Variants in PGCKA1 observed in about 807,000 individuals in gnomAD.
PGCKA1 encodes the protein PDCD10 and GCKIII kinases-associated protein 1.
At chr4:37,524,826 T>G in the PGCKA1 span, among the ~76,000 whole-genome samples, 1 of 152,088 alleles carries the variant, frequency 6.6e-6, no homozygotes, top group Admixed American at 6.5e-5. Flanking sequence ...TGAGGTGATG[T>G]TGAGAAAGGC....
the PGCKA1 span, among the ~76,000 whole-genome samples, chr4:37,571,780 G>A: frequency 6.6e-6 from 1 of 151,810 alleles, no homozygotes; most frequent in Non-Finnish European, 1.5e-5. Flanking sequence ...CTCGTGATCT[G>A]CCCGCCTCAG....
At chr4:37,575,120 A>G in the PGCKA1 span, among the ~76,000 whole-genome samples, 1 of 152,170 alleles carries the variant, frequency 6.6e-6, no homozygotes, top group Non-Finnish European at 1.5e-5. Flanking sequence ...ATACTCAGCA[A>G]TGGGATTGCT....
the PGCKA1 span, among the ~76,000 whole-genome samples, chr4:37,505,819 C>T: frequency 6.6e-6 from 1 of 152,204 alleles, no homozygotes; most frequent in African/African-American, 2.4e-5. Flanking sequence ...CAGAAGTATT[C>T]CCTCCTCCAC....
the PGCKA1 span, among the ~76,000 whole-genome samples, chr4:37,557,829 T>C: frequency 6.6e-6 from 1 of 152,222 alleles, no homozygotes; most frequent in African/African-American, 2.4e-5. Context: ...TGTCAGGAGC[T>C]GGGCTGCAAA....
At chr4:37,473,644 G>A in the PGCKA1 span, among the ~76,000 whole-genome samples, 2,391 of 152,216 alleles carry the variant, frequency 0.016, 135 homozygotes, top group Admixed American at 0.11. Context: ...GCTTTTGAGG[G>A]TTGTAGGGGA....
the PGCKA1 span, among the ~76,000 whole-genome samples, chr4:37,577,226 G>T: frequency 1.4e-4 from 22 of 151,924 alleles, no homozygotes; most frequent in African/African-American, 4.6e-4. Flanking sequence ...GTTTTTCTTT[G>T]CTGGGAGACT....
chr4:37,539,071 A>G, the PGCKA1 span, among the ~76,000 whole-genome samples: 877 of 152,258 alleles, frequency 5.8e-3, 13 homozygotes, highest in African/African-American at 0.02. Context: ...GTTCCAAGCT[A>G]AGGAATCTGG....
At chr4:37,488,721 A>G in the PGCKA1 span, among the ~76,000 whole-genome samples, 9,439 of 152,102 alleles carry the variant, frequency 0.062, 368 homozygotes, top group Middle Eastern at 0.088. Context: ...ATCCTGTTCC[A>G]TCACCTCTGG....
the PGCKA1 span, among the ~76,000 whole-genome samples, chr4:37,545,624 A>G: frequency 6.6e-6 from 1 of 151,976 alleles, no homozygotes; most frequent in Non-Finnish European, 1.5e-5. Context: ...TACCTCCTCT[A>G]TTGCTCTCCC....
At chr4:37,592,151 G>C in the PGCKA1 span, among the ~76,000 whole-genome samples, 1 of 149,730 alleles carries the variant, frequency 6.7e-6, no homozygotes, top group Non-Finnish European at 1.5e-5. Flanking sequence ...GGAGGTTGCA[G>C]TGAGCTGAGA....
At chr4:37,570,127 C>A in the PGCKA1 span, among the ~76,000 whole-genome samples, 1 of 130,912 alleles carries the variant, frequency 7.6e-6, no homozygotes, top group Non-Finnish European at 1.7e-5. Context: ...CTACAGGCGC[C>A]CGCCACCACG....
chr4:37,526,735 A>T, the PGCKA1 span, among the ~76,000 whole-genome samples: 1 of 152,250 alleles, frequency 6.6e-6, no homozygotes, highest in African/African-American at 2.4e-5. Flanking sequence ...TTCTGGTCTT[A>T]TAAGAGTATA....
chr4:37,541,165 G>A, the PGCKA1 span, among the ~76,000 whole-genome samples: 1 of 152,082 alleles, frequency 6.6e-6, no homozygotes, highest in Non-Finnish European at 1.5e-5. Context: ...ATTTGGCATG[G>A]TATTCACGGC....
chr4:37,575,345 T>C, the PGCKA1 span, among the ~76,000 whole-genome samples: 1 of 152,162 alleles, frequency 6.6e-6, no homozygotes, highest in African/African-American at 2.4e-5. Context: ...TCTCTGATGA[T>C]CATTGATGTT....
chr4:37,539,648 C>A, the PGCKA1 span, among the ~76,000 whole-genome samples: 1 of 152,086 alleles, frequency 6.6e-6, no homozygotes, highest in Non-Finnish European at 1.5e-5. Context: ...AGCAAGACTC[C>A]GTCTCAAAAT....
chr4:37,488,744 CCTT>C, the PGCKA1 span, among the ~76,000 whole-genome samples: 513 of 152,236 alleles, frequency 3.4e-3, 5 homozygotes, highest in African/African-American at 0.012. Flanking sequence ...TGCTGATAGA[CCTT>C]CTTCAAGTGA....
chr4:37,580,504 A>T, the PGCKA1 span, among the ~76,000 whole-genome samples: 4 of 152,292 alleles, frequency 2.6e-5, no homozygotes, highest in East Asian at 7.7e-4. Context: ...CAAGCCCAGT[A>T]ATGCTATGGT....
At chr4:37,568,054 T>C in the PGCKA1 span, among the ~76,000 whole-genome samples, 1 of 152,188 alleles carries the variant, frequency 6.6e-6, no homozygotes, top group Non-Finnish European at 1.5e-5. Flanking sequence ...TCAAAGATCC[T>C]GTGAACCCAG....
the PGCKA1 span, among the ~76,000 whole-genome samples, chr4:37,545,292 C>A: frequency 6.6e-6 from 1 of 152,130 alleles, no homozygotes; most frequent in African/African-American, 2.4e-5. Context: ...TTCACTTAAT[C>A]CCCCTGTTTT....
Sources: allele counts gnomAD v4.1 joint callset (sites outside exome capture counted in the v4.1 genomes callset), GRCh38; gene constraint gnomAD v4.1.1; transcripts MANE v1.5; gene names NCBI Gene and HGNC (gene_info 2026-07-23, HGNC 2026-07-21).